FNBP1: variants seen among roughly 807,000 people sequenced by gnomAD.
FNBP1 encodes the protein formin binding protein 1.
A neutral mutation model predicts 90.6 loss-of-function variants in FNBP1; 26 were observed. That is an observed-to-expected ratio of 0.29 (90% CI 0.21 to 0.40). The LOEUF is 0.40. FNBP1 is among the 10% of genes least tolerant of loss of function. The pLI, the probability that FNBP1 is intolerant of heterozygous loss-of-function variation, is 1.00. For missense variants in FNBP1, 635 were observed against 768.0 expected, an observed-to-expected ratio of 0.83 and a Z score of 2.05; for synonymous variants, 260 against 265.2, an observed-to-expected ratio of 0.98 and a Z score of 0.19.
At chr9:129,941,994 C>G (rs1258841458) in intron 6 of FNBP1, among the ~76,000 whole-genome samples, 3 of 151,656 alleles carry the variant, frequency 2.0e-5, no homozygotes, top group Non-Finnish European at 4.4e-5. Flanking sequence ...TCGCTTGAAC[C>G]TGGGAGGCGG....
chr9:129,931,150 G>A (rs1201769349), intron 6 of FNBP1, among the ~76,000 whole-genome samples: 7 of 151,958 alleles, frequency 4.6e-5, no homozygotes, highest in Non-Finnish European at 1.0e-4. Context: ...ACAAAAATTA[G>A]CTGGGCATGG....
rs1222193681 is a variant in FNBP1, at chr9:129,966,848, T to TAG, written c.346-8296_346-8295insCT. On this transcript the variant is annotated intron_variant, in intron 4 of 16. Coordinates refer to ENST00000446176, the MANE Select transcript of FNBP1 (RefSeq NM_015033.3). This position sits in a 1 kb window ranked among gnomAD's most constrained non-coding sequence, Gnocchi z 4.3. ...GGGGGAGGCTGTTACACTTGCACTC[T>TAG]CTCTAAGGGAGAGCTGGTGGTGGCT... Among the ~76,000 whole-genome samples the TAG allele has an allele frequency of 6.6e-6, 1 of 152,160 alleles. No individual in the cohort carries two copies. The highest frequency in any genetic ancestry group is 2.4e-5 in the African/African-American group (1 of 41,428).
rs1199477504 is a variant in FNBP1, at chr9:129,887,458, AG to A, written c.*3080del. 1 of 201,490 alleles carries A rather than the reference AG, an allele frequency of 5.0e-6. No homozygotes were observed. The highest frequency in any genetic ancestry group is 1.0e-5 in the Non-Finnish European group (1 of 97,890). The allele number at this position is 201,490 out of a possible 1,614,324, so 12.5% of individuals were successfully genotyped here. On this transcript the variant is annotated 3_prime_UTR_variant, in exon 17 of 17. Coordinates refer to ENST00000446176, the MANE Select transcript of FNBP1 (RefSeq NM_015033.3). ...AAAAGTTTTTGGATGATATAAGCAC[AG>A]GAGGCAGAGCCAATAAGAAACATGA...
At chr9:130,033,910 G>A (rs1354921107) in intron 1 of FNBP1, among the ~76,000 whole-genome samples, 2 of 151,720 alleles carry the variant, frequency 1.3e-5, no homozygotes, top group Middle Eastern at 3.4e-3. Context: ...CAGCTACTCG[G>A]GAGGCTGAGG....
At chr9:129,903,178 A>G (rs982388367) in intron 12 of FNBP1, among the ~76,000 whole-genome samples, 177 bp from the exon 13 acceptor site, 5 of 152,096 alleles carry the variant, frequency 3.3e-5, no homozygotes, top group African/African-American at 1.2e-4. Context: ...CAGCCTCCAG[A>G]ATAGCTGGGA....
intron 1 of FNBP1, among the ~76,000 whole-genome samples, chr9:130,025,781 G>A (rs1396115718): frequency 5.9e-5 from 9 of 152,172 alleles, no homozygotes; most frequent in South Asian, 2.1e-4. Flanking sequence ...AAAATTAGCC[G>A]GGCGTGGTGG....
At chr9:129,909,063 A>G (rs771259537) in intron 11 of FNBP1, 64 bp from the exon 12 acceptor site, 1 of 1,127,922 alleles carries the variant, frequency 8.9e-7, no homozygotes, top group Non-Finnish European at 1.3e-6. Context: ...GAAGGCTGAA[A>G]GCAAAGCCTG....
Position 129,907,893 on chromosome 9 carries a change from A to T in FNBP1, c.1295+997T>A, listed in dbSNP as rs1351911621. Reference sequence around the variant, plus strand: ...ATAGGCGCCCGCCACCATGCGAGCTAATTTTTTGTAATTTTAGTAGAGACA... The same window carrying T: ...ATAGGCGCCCGCCACCATGCGAGCTTATTTTTTGTAATTTTAGTAGAGACA... On this transcript the variant is annotated intron_variant, in intron 12 of 16. Coordinates refer to ENST00000446176, the MANE Select transcript of FNBP1 (RefSeq NM_015033.3). Among the ~76,000 whole-genome samples the T allele has an allele frequency of 2.7e-5, 4 of 150,390 alleles. No homozygotes were observed. In the South Asian group the frequency reaches 6.3e-4, roughly 24 times the overall value.
chr9:129,951,958 G>A (rs1248121755), intron 6 of FNBP1, among the ~76,000 whole-genome samples: 4 of 151,496 alleles, frequency 2.6e-5, no homozygotes, highest in Admixed American at 6.6e-5. Flanking sequence ...TTGGGAGGCC[G>A]AGGCGGGAGG....
At chr9:129,901,825 T>A (rs941966681) in intron 13 of FNBP1, among the ~76,000 whole-genome samples, 1 of 152,030 alleles carries the variant, frequency 6.6e-6, no homozygotes, top group Non-Finnish European at 1.5e-5. Context: ...GGCAGGAGAA[T>A]CACTTGAACC....
chr9:130,025,827 G>A (rs2058290082), intron 1 of FNBP1, among the ~76,000 whole-genome samples: 1 of 152,198 alleles, frequency 6.6e-6, no homozygotes, highest in African/African-American at 2.4e-5. Flanking sequence ...GGGAGGCTGA[G>A]GCAGAAGAAC....
intron 1 of FNBP1, among the ~76,000 whole-genome samples, chr9:130,039,959 T>C (rs1400142118): frequency 5.3e-5 from 8 of 152,180 alleles, no homozygotes; most frequent in African/African-American, 1.9e-4. Context: ...ACCATAGCTC[T>C]TTCTCCATCT....
intron 15 of FNBP1, among the ~76,000 whole-genome samples, chr9:129,898,754 C>T (rs908968714): frequency 6.6e-6 from 1 of 152,184 alleles, no homozygotes; most frequent in Non-Finnish European, 1.5e-5. Flanking sequence ...TCCCAAAGTG[C>T]TGGGATTACA....
chr9:130,049,366 G>A, the FNBP1 span, among the ~76,000 whole-genome samples: 5 of 152,092 alleles, frequency 3.3e-5, no homozygotes, highest in Admixed American at 1.3e-4. Context: ...TCCTGAGAGC[G>A]AGACCCTGTC....
At chr9:130,019,665 T>C (rs886538465) in intron 1 of FNBP1, among the ~76,000 whole-genome samples, 1 of 152,238 alleles carries the variant, frequency 6.6e-6, no homozygotes, top group Non-Finnish European at 1.5e-5. Flanking sequence ...GTTGTTTGTT[T>C]TGATCTTTGG....
intron 6 of FNBP1, among the ~76,000 whole-genome samples, chr9:129,956,363 G>A (rs2046945617): frequency 6.6e-6 from 1 of 152,126 alleles, no homozygotes; most frequent in African/African-American, 2.4e-5. Flanking sequence ...CCCACATACA[G>A]CATGAAGCTA....
At chr9:129,923,727 C>G in intron 10 of FNBP1, 117 bp downstream of exon 10, 9 of 810,532 alleles carry the variant, frequency 1.1e-5, no homozygotes, top group South Asian at 4.5e-5. Context: ...TTTTTTTTAA[C>G]TTTTTTATAT....
intron 4 of FNBP1, among the ~76,000 whole-genome samples, chr9:129,968,557 A>G (rs946404549): frequency 2.6e-5 from 4 of 152,190 alleles, no homozygotes; most frequent in East Asian, 1.9e-4. Flanking sequence ...GAGTCAGTCC[A>G]TGCTGCAGAA....
Position 130,042,809 on chromosome 9 carries a change from C to T in FNBP1, c.24+143G>A, listed in dbSNP as rs892754644. 6.4e-6 allele frequency: 3 copies of T among 469,048 alleles called. No individual in the cohort carries two copies. The highest frequency in any genetic ancestry group is 1.0e-5 in the Non-Finnish European group (3 of 298,892). The allele number at this position is 469,048 out of a possible 1,614,324, so 29.1% of individuals were successfully genotyped here. Reference sequence around the variant, plus strand: ...CCAAGGCGGACGAGGGGCATTGGAACCCCGCCTCCTCCCCAGGCCGCGAGG... The same window carrying T: ...CCAAGGCGGACGAGGGGCATTGGAATCCCGCCTCCTCCCCAGGCCGCGAGG... On this transcript the variant is annotated intron_variant, in intron 1 of 16. Coordinates refer to ENST00000446176, the MANE Select transcript of FNBP1 (RefSeq NM_015033.3). This position sits in a 1 kb window ranked among gnomAD's most constrained non-coding sequence, Gnocchi z 5.5.
Sources: allele counts gnomAD v4.1 joint callset (sites outside exome capture counted in the v4.1 genomes callset), GRCh38; gene constraint gnomAD v4.1.1; non-coding constraint Gnocchi (gnomAD v3.1); transcripts MANE v1.5; gene names NCBI Gene and HGNC (gene_info 2026-07-23, HGNC 2026-07-21).